BHLHE22: variants seen among roughly 807,000 people sequenced by gnomAD.
BHLHE22 encodes basic helix-loop-helix family member e22.
In BHLHE22, 8 loss-of-function variants were observed where a neutral mutation model predicts 17.6. That is an observed-to-expected ratio of 0.45 (90% CI 0.27 to 0.82). The LOEUF (loss-of-function observed/expected upper bound fraction) is 0.82, where lower values mean the gene tolerates loss of function less well. Ranked by LOEUF, BHLHE22 falls within the 40% of genes least tolerant of loss-of-function variation. BHLHE22 has a pLI of 0.16. For missense variants in BHLHE22, 570 were observed against 581.5 expected (o/e 0.98, Z 0.20); for synonymous variants, 353 against 282.7 (o/e 1.25, Z -2.49).
rs778393220 is a variant in BHLHE22, at chr8:64,580,919, C to A, written c.129C>A (p.Asp43Glu). Residue 43 changes from aspartate to glutamate, a missense_variant, in exon 1 of 1, where the codon GAC (aspartate) becomes GAA (glutamate). Transcript: ENST00000321870. ...AAFRSTPPGMDLSLAPPPRER... is the reference protein window; with the variant it reads ...AAFRSTPPGMELSLAPPPRER... ...TCCGCTCCACGCCCCCGGGCATGGA[C>A]CTGTCCCTGGCGCCGCCGCCTCGGG... The A allele has an allele frequency of 4.0e-6, 6 of 1,512,602 alleles. No homozygotes were observed. The highest frequency in any genetic ancestry group is 1.8e-4 in the Middle Eastern group (1 of 5,528). The allele number at this position is 1,512,602 out of a possible 1,614,324, so 93.7% of individuals were successfully genotyped here.
chr8:64,580,827 G>GCCTCGGGAAC lies in BHLHE22; in HGVS notation c.37_38insCCTCGGGAAC (p.Gly13AlafsTer60). On this transcript the variant is annotated frameshift_variant, in exon 1 of 1. Coordinates refer to ENST00000321870, the MANE Select transcript of BHLHE22 (RefSeq NM_152414.5). LOFTEE classifies it high-confidence loss of function. The stretch of plus-strand genomic sequence containing the variant: ...GATGCACCTCGGTGCAGCGGCCGCC[G>GCCTCGGGAAC]GCGAGGACGACCTCTTCCTGCACAA... 1 of 1,457,842 alleles carries GCCTCGGGAAC rather than the reference G, an allele frequency of 6.9e-7. No individual in the cohort carries two copies. Among genetic ancestry groups the GCCTCGGGAAC allele is most frequent in the Non-Finnish European group, 9.0e-7 (1 of 1,109,348 alleles). The allele number at this position is 1,457,842 out of a possible 1,614,324, so 90.3% of individuals were successfully genotyped here.
In BHLHE22 at chr8:64,581,463, G is replaced by GCGGCGGCAGCAGCAGCAGCAGCA. The variant is rs564889045; in HGVS notation, c.673_674insCGGCGGCAGCAGCAGCAGCAGCA (p.Gly225AlafsTer42). The GCGGCGGCAGCAGCAGCAGCAGCA allele has an allele frequency of 7.0e-7, 1 of 1,437,808 alleles. No individual in the cohort carries two copies. Among genetic ancestry groups the GCGGCGGCAGCAGCAGCAGCAGCA allele is most frequent in the Non-Finnish European group, 9.4e-7 (1 of 1,062,984 alleles). The allele number at this position is 1,437,808 out of a possible 1,614,324, so 89.1% of individuals were successfully genotyped here. A position where few individuals can be genotyped will look rare whatever the true frequency, so the allele number is the denominator to read the frequency against. ...TGGCGGTAGCGGTAGCGGCAGCGGC[G>GCGGCGGCAGCAGCAGCAGCAGCA]GCAGCAGCAGCAGCAGCAGCAGCAG... On this transcript the variant is annotated frameshift_variant, in exon 1 of 1. Coordinates refer to ENST00000321870, the MANE Select transcript of BHLHE22 (RefSeq NM_152414.5). LOFTEE classifies it high-confidence loss of function. The surrounding 1 kb of genome is among the most constrained non-coding windows in gnomAD (Gnocchi z 6.4).
chr8:64,581,000 C>T lies in BHLHE22; in HGVS notation c.210C>T (p.Pro70=). Residue 70 remains proline (P), a synonymous_variant, in exon 1 of 1, where the codon CCC becomes CCT. Coordinates refer to ENST00000321870, the MANE Select transcript of BHLHE22 (RefSeq NM_152414.5). ...TGGGCTGCTTCGAGCCGGCTGACCC[C>T]GAGGGGGCAGGGCTGCTGTTGCCGC... ...SPLGCFEPAD[P]EGAGLLLPPP... The T allele has an allele frequency of 7.5e-7, 1 of 1,341,552 alleles. No homozygotes were observed. The highest frequency in any genetic ancestry group is 9.5e-7 in the Non-Finnish European group (1 of 1,053,320). The allele number at this position is 1,341,552 out of a possible 1,614,324, so 83.1% of individuals were successfully genotyped here.
rs183147109 is a variant in BHLHE22, at chr8:64,582,643, T to C, written c.*707T>C. ...AAAAAACTGACTGTGGCTGAAAGAATTGCATTTAAAAATATTTATGTGCAC... is the reference window on the plus strand; with the variant it reads ...AAAAAACTGACTGTGGCTGAAAGAACTGCATTTAAAAATATTTATGTGCAC... On this transcript the variant is annotated 3_prime_UTR_variant, in exon 1 of 1. Transcript: ENST00000321870. 1.5e-4 allele frequency: 25 copies of C among 167,246 alleles called. No individual in the cohort carries two copies. The highest frequency in any genetic ancestry group is 1.2e-3 in the Admixed American group (18 of 15,312). 10.4% of individuals were successfully genotyped at this position (167,246 alleles called of 1,614,324 possible). A position where few individuals can be genotyped will look rare whatever the true frequency, so the allele number is the denominator to read the frequency against.
In BHLHE22 at chr8:64,580,815, G is replaced by C. The variant is rs1352652390; in HGVS notation, c.25G>C (p.Ala9Pro). ...CATGGAGCGCGGGATGCACCTCGGTGCAGCGGCCGCCGGCGAGGACGACCT... is the reference window on the plus strand; with the variant it reads ...CATGGAGCGCGGGATGCACCTCGGTCCAGCGGCCGCCGGCGAGGACGACCT... MERGMHLG[A>P]AAAGEDDLFL... The change falls in exon 1 of 1, where the codon GCA (alanine) becomes CCA (proline). Residue 9 changes from alanine (A) to proline (P), a missense_variant. Physicochemically the swap from Ala to Pro is conservative, Grantham distance 27. Transcript: ENST00000321870. The C allele has an allele frequency of 2.0e-5, 29 of 1,442,948 alleles. No individual in the cohort carries two copies. Among genetic ancestry groups the C allele is most frequent in the African/African-American group, 3.0e-5 (2 of 67,338 alleles). 89.4% of individuals were successfully genotyped at this position (1,442,948 alleles called of 1,614,324 possible). A position where few individuals can be genotyped will look rare whatever the true frequency, so the allele number is the denominator to read the frequency against.
In BHLHE22 at chr8:64,580,862, C is replaced by T. The variant is rs1336979744; in HGVS notation, c.72C>T (p.Ser24=). 3.3e-6 allele frequency: 5 copies of T among 1,511,294 alleles called. No homozygotes were observed. Among genetic ancestry groups the T allele is most frequent in the East Asian group, 5.6e-5 (2 of 35,912 alleles). The allele number at this position is 1,511,294 out of a possible 1,614,324, so 93.6% of individuals were successfully genotyped here. A position where few individuals can be genotyped will look rare whatever the true frequency, so the allele number is the denominator to read the frequency against. ...ACCTCTTCCTGCACAAGAGCCTGAGCGCCTCCACCTCCAAGCGCTTGGAAG... is the reference window on the plus strand; with the variant it reads ...ACCTCTTCCTGCACAAGAGCCTGAGTGCCTCCACCTCCAAGCGCTTGGAAG... The part of the protein sequence containing the change: ...EDDLFLHKSL[S]ASTSKRLEAA... The change falls in exon 1 of 1, where the codon AGC becomes AGT. Residue 24 remains serine (S), a synonymous_variant. Coordinates refer to ENST00000321870, the MANE Select transcript of BHLHE22 (RefSeq NM_152414.5).
chr8:64,581,984 G>A lies in BHLHE22; in HGVS notation c.*48G>A. On this transcript the variant is annotated 3_prime_UTR_variant, in exon 1 of 1. Coordinates refer to ENST00000321870, the MANE Select transcript of BHLHE22 (RefSeq NM_152414.5). This position sits in a 1 kb window ranked among gnomAD's most constrained non-coding sequence, Gnocchi z 6.4. The stretch of plus-strand genomic sequence containing the variant: ...ACCGACCCAAAATCTAGAGGAAAGC[G>A]AAAAGCTGCTCCCCACCCCCTTTAT... 15 of 1,585,142 alleles carry A rather than the reference G, an allele frequency of 9.5e-6. No individual in the cohort carries two copies. The highest frequency in any genetic ancestry group is 1.3e-5 in the Non-Finnish European group (15 of 1,166,774).
In BHLHE22 at chr8:64,581,032, G is replaced by C. The variant is rs1804885532; in HGVS notation, c.242G>C (p.Gly81Ala). 5 of 1,325,870 alleles carry C rather than the reference G, an allele frequency of 3.8e-6. No homozygotes were observed. The highest frequency in any genetic ancestry group is 4.1e-5 in the Admixed American group (1 of 24,344). The allele number at this position is 1,325,870 out of a possible 1,614,324, so 82.1% of individuals were successfully genotyped here. The change falls in exon 1 of 1, where the codon GGA becomes GCA. Residue 81 changes from glycine (G) to alanine (A), a missense_variant. Gly to Ala is a moderately conservative substitution (Grantham distance 60). This residue lies in a region of BHLHE22 where 427 missense variants were observed against 376.2 expected (regional missense o/e 1.14). Coordinates refer to ENST00000321870, the MANE Select transcript of BHLHE22 (RefSeq NM_152414.5). This position sits in a 1 kb window ranked among gnomAD's most constrained non-coding sequence, Gnocchi z 6.4. ...GCAGGGCTGCTGTTGCCGCCGCCTG[G>C]AGGAGGCGGCGGCGGCAGCGCGGGA... ...EGAGLLLPPP[G>A]GGGGGSAGSG...
rs1804931639 is a variant in BHLHE22, at chr8:64,583,339, T to C, written c.*1403T>C. ...GAAGCTATTTACCCAAAGTGAGCTT[T>C]CAGTTTTAGTTTTGCATGGCTGTTT... On this transcript the variant is annotated 3_prime_UTR_variant, in exon 1 of 1. Transcript: ENST00000321870. 6.0e-6 allele frequency: 1 copy of C among 167,076 alleles called. No individual in the cohort carries two copies. Among genetic ancestry groups the C allele is most frequent in the Non-Finnish European group, 1.5e-5 (1 of 68,114 alleles). The allele number at this position is 167,076 out of a possible 1,614,324, so 10.3% of individuals were successfully genotyped here.
At position 64,582,204 on chromosome 8, in the gene BHLHE22, C is replaced by A; in HGVS notation, c.*268C>A. The A allele has an allele frequency of 1.9e-6, 1 of 518,120 alleles. No individual in the cohort carries two copies. The highest frequency in any genetic ancestry group is 2.4e-5 in the South Asian group (1 of 40,928). 32.1% of individuals were successfully genotyped at this position (518,120 alleles called of 1,614,324 possible). On this transcript the variant is annotated 3_prime_UTR_variant, in exon 1 of 1. Coordinates refer to ENST00000321870, the MANE Select transcript of BHLHE22 (RefSeq NM_152414.5). ...TGTCTTTTTTTTCTCAGAAAAGTGG[C>A]AACTTTGGTGGCAGCCTAGACCGCG...
chr8:64,581,108 T>C lies in BHLHE22; in HGVS notation c.318T>C (p.Gly106=), dbSNP rs1425378741. The C allele has an allele frequency of 1.5e-6, 2 of 1,343,844 alleles. No homozygotes were observed. The highest frequency in any genetic ancestry group is 1.6e-5 in the African/African-American group (1 of 62,338). 83.2% of individuals were successfully genotyped at this position (1,343,844 alleles called of 1,614,324 possible). Residue 106 remains glycine, a synonymous_variant, in exon 1 of 1, where the codon GGT becomes GGC. Transcript: ENST00000321870. The surrounding 1 kb of genome is among the most constrained non-coding windows in gnomAD (Gnocchi z 6.4). ...GGVGVPGLLV[G]SAGVGGDPSL... Reference sequence around the variant, plus strand: ...TGGGTGTCCCCGGGCTGCTAGTAGGTTCAGCCGGCGTTGGGGGCGACCCTA... The same window carrying C: ...TGGGTGTCCCCGGGCTGCTAGTAGGCTCAGCCGGCGTTGGGGGCGACCCTA...
chr8:64,580,765 C>T lies in BHLHE22; in HGVS notation c.-26C>T. 5 of 1,170,572 alleles carry T rather than the reference C, an allele frequency of 4.3e-6. No individual in the cohort carries two copies. The highest frequency in any genetic ancestry group is 4.2e-6 in the Non-Finnish European group (4 of 951,360). The allele number at this position is 1,170,572 out of a possible 1,614,324, so 72.5% of individuals were successfully genotyped here. Reference sequence around the variant, plus strand: ...GCGGCGGCGGCAGCGGGCGCGGCGGCCCGGGCTGCGCGCCGGCGCGGGACC... The same window carrying T: ...GCGGCGGCGGCAGCGGGCGCGGCGGTCCGGGCTGCGCGCCGGCGCGGGACC... On this transcript the variant is annotated 5_prime_UTR_variant, in exon 1 of 1. Transcript: ENST00000321870.
rs1363536531 is a variant in BHLHE22 at position 64,581,341 on chromosome 8, G to T, written c.551G>T (p.Cys184Phe). 6.8e-7 allele frequency: 1 copy of T among 1,465,584 alleles called. No individual in the cohort carries two copies. The highest frequency in any genetic ancestry group is 1.4e-5 in the South Asian group (1 of 71,790). The allele number at this position is 1,465,584 out of a possible 1,614,324, so 90.8% of individuals were successfully genotyped here. ...GGGGAKAAEG[C>F]SNAHLHGGAS... ...GGTGGCGCGAAGGCAGCCGAGGGCT[G>T]CTCCAATGCCCACCTCCACGGCGGC... The change falls in exon 1 of 1, where the codon TGC becomes TTC. Residue 184 changes from cysteine (C) to phenylalanine (F), a missense_variant. Cys to Phe is a radical substitution (Grantham distance 205). This residue lies in a region of BHLHE22 where 427 missense variants were observed against 376.2 expected (regional missense o/e 1.14). Coordinates refer to ENST00000321870, the MANE Select transcript of BHLHE22 (RefSeq NM_152414.5). This position sits in a 1 kb window ranked among gnomAD's most constrained non-coding sequence, Gnocchi z 6.4.
Position 64,580,593 on chromosome 8 carries a change from A to G in BHLHE22, c.-198A>G, listed in dbSNP as rs1330372994. On this transcript the variant is annotated 5_prime_UTR_variant, in exon 1 of 1. Coordinates refer to ENST00000321870, the MANE Select transcript of BHLHE22 (RefSeq NM_152414.5). ...CGGCTGGAGACGAAGAAGAAGAAGA[A>G]GAGGAGGCGGCGAGCGCGGGGGAAG... 5.4e-5 allele frequency: 9 copies of G among 166,924 alleles called. No homozygotes were observed. The highest frequency in any genetic ancestry group is 8.7e-5 in the Non-Finnish European group (7 of 80,506). The allele number at this position is 166,924 out of a possible 1,614,324, so 10.3% of individuals were successfully genotyped here.
In BHLHE22 at chr8:64,582,700, A is replaced by T. The variant is rs1160073893; in HGVS notation, c.*764A>T. On this transcript the variant is annotated 3_prime_UTR_variant, in exon 1 of 1. Coordinates refer to ENST00000321870, the MANE Select transcript of BHLHE22 (RefSeq NM_152414.5). ...ACTTTCTACTCTGCAATGATGTATT[A>T]ACAATTCATGGTATTTATTTGTTAT... 1 of 167,108 alleles carries T rather than the reference A, an allele frequency of 6.0e-6. No homozygotes were observed. Among genetic ancestry groups the T allele is most frequent in the Admixed American group, 6.5e-5 (1 of 15,294 alleles). The allele number at this position is 167,108 out of a possible 1,614,324, so 10.4% of individuals were successfully genotyped here.
Position 64,582,041 on chromosome 8 carries a change from A to C in BHLHE22, c.*105A>C. ...CCTCTCGTAGTTGTGAAACACTTGC[A>C]GAGCAAACAAAGCAGAGGCAAGAAC... On this transcript the variant is annotated 3_prime_UTR_variant, in exon 1 of 1. Transcript: ENST00000321870. The C allele has an allele frequency of 7.3e-7, 1 of 1,363,666 alleles. No individual in the cohort carries two copies. Among genetic ancestry groups the C allele is most frequent in the African/African-American group, 1.5e-5 (1 of 67,174 alleles). The allele number at this position is 1,363,666 out of a possible 1,614,324, so 84.5% of individuals were successfully genotyped here. A position where few individuals can be genotyped will look rare whatever the true frequency, so the allele number is the denominator to read the frequency against.
At position 64,583,543 on chromosome 8, in the gene BHLHE22, G is replaced by A. The variant is rs1019149325; in HGVS notation, c.*1607G>A. Reference sequence around the variant, plus strand: ...AAAGAATGATATATATATTAAATAGGTCAATCAGACTATGACAGCTATGTA... The same window carrying A: ...AAAGAATGATATATATATTAAATAGATCAATCAGACTATGACAGCTATGTA... On this transcript the variant is annotated 3_prime_UTR_variant, in exon 1 of 1. Transcript: ENST00000321870. 6.0e-6 allele frequency: 1 copy of A among 167,010 alleles called. No homozygotes were observed. The highest frequency in any genetic ancestry group is 2.4e-5 in the African/African-American group (1 of 41,416). 10.3% of individuals were successfully genotyped at this position (167,010 alleles called of 1,614,324 possible).
rs1331573293 is a variant in BHLHE22 at position 64,581,358 on chromosome 8, C to T, written c.568C>T (p.His190Tyr). The T allele has an allele frequency of 2.0e-6, 3 of 1,470,920 alleles. No homozygotes were observed. Among genetic ancestry groups the T allele is most frequent in the Non-Finnish European group, 2.7e-6 (3 of 1,123,116 alleles). The allele number at this position is 1,470,920 out of a possible 1,614,324, so 91.1% of individuals were successfully genotyped here. ...CGAGGGCTGCTCCAATGCCCACCTC[C>T]ACGGCGGCGCCAGCGTCCCCCCGGG... is the stretch of plus-strand genomic sequence containing the variant. ...AAEGCSNAHL[H>Y]GGASVPPGGL... Residue 190 changes from histidine (H) to tyrosine (Y), a missense_variant, in exon 1 of 1, where the codon CAC becomes TAC. His to Tyr is a moderately conservative substitution (Grantham distance 83). Around this residue, in one of 3 missense-constraint regions of BHLHE22, gnomAD observed 427 missense variants for 376.2 expected, o/e 1.14. Transcript: ENST00000321870. This position sits in a 1 kb window ranked among gnomAD's most constrained non-coding sequence, Gnocchi z 6.4.
chr8:64,582,517 A>T lies in BHLHE22; in HGVS notation c.*581A>T, dbSNP rs1392799305. 5 of 166,830 alleles carry T rather than the reference A, an allele frequency of 3.0e-5. No homozygotes were observed. 10.3% of individuals were successfully genotyped at this position (166,830 alleles called of 1,614,324 possible). On this transcript the variant is annotated 3_prime_UTR_variant, in exon 1 of 1. Coordinates refer to ENST00000321870, the MANE Select transcript of BHLHE22 (RefSeq NM_152414.5). Reference sequence around the variant, plus strand: ...AAATAAAACCCAGAGAGAGAGAGAGAGCGAGAGAGAGAGACATGTTACTAT... The same window carrying T: ...AAATAAAACCCAGAGAGAGAGAGAGTGCGAGAGAGAGAGACATGTTACTAT...
Sources: allele counts gnomAD v4.1 joint callset, GRCh38; gene constraint gnomAD v4.1.1; regional missense constraint gnomAD v4.1.1; non-coding constraint Gnocchi (gnomAD v3.1); transcripts MANE v1.5; gene names NCBI Gene and HGNC (gene_info 2026-07-23, HGNC 2026-07-21).